CDC25C: variants seen among roughly 807,000 people sequenced by gnomAD.
CDC25C encodes M-phase inducer phosphatase 3.
In CDC25C, 48 loss-of-function variants were observed where a neutral mutation model predicts 52.5. The observed-to-expected ratio is 0.91, with a 90% confidence interval of 0.72 to 1.16. CDC25C has a LOEUF of 1.16. CDC25C is among the 50% of genes most tolerant of loss of function. CDC25C has a pLI of 0.00. For missense variants in CDC25C, 510 were observed against 566.1 expected (o/e 0.90, Z 1.01); for synonymous variants, 187 against 206.5 (o/e 0.91, Z 0.81).
intron 7 of CDC25C, among the ~76,000 whole-genome samples, chr5:138,305,187 G>A (rs137909362): frequency 1.3e-5 from 2 of 152,174 alleles, no homozygotes; most frequent in East Asian, 1.9e-4. Context: ...CAGCTTGTCC[G>A]GGACTTTCCC....
At chr5:138,304,258 C>T (rs1757835851) in intron 7 of CDC25C, among the ~76,000 whole-genome samples, 1 of 149,274 alleles carries the variant, frequency 6.7e-6, no homozygotes, top group East Asian at 2.0e-4. Flanking sequence ...AGCCTCAAAC[C>T]CCTGGGCTCA....
intron 6 of CDC25C, among the ~76,000 whole-genome samples, chr5:138,320,611 G>A (rs1580793854): frequency 6.6e-6 from 1 of 152,092 alleles, no homozygotes; most frequent in East Asian, 1.9e-4. Flanking sequence ...CTTGAACCCA[G>A]GAGTTTGAGA....
chr5:138,317,013 C>T (rs1010433540), intron 7 of CDC25C, among the ~76,000 whole-genome samples: 26 of 152,160 alleles, frequency 1.7e-4, no homozygotes, highest in Admixed American at 5.2e-4. Flanking sequence ...CTAAAGATCC[C>T]GCAACAAAGG....
At chr5:138,320,656 C>T (rs146525411) in intron 6 of CDC25C, among the ~76,000 whole-genome samples, 5 of 151,772 alleles carry the variant, frequency 3.3e-5, no homozygotes, top group African/African-American at 1.2e-4. Context: ...CCTGATTCTA[C>T]AAAATATACA....
In CDC25C at chr5:138,325,906, T is replaced by TA; in HGVS notation, c.370-3dup. The TA allele has an allele frequency of 6.2e-7, 1 of 1,613,888 alleles. No homozygotes were observed. The highest frequency in any genetic ancestry group is 8.5e-7 in the Non-Finnish European group (1 of 1,179,820). On this transcript the variant is annotated splice_region_variant and splice_polypyrimidine_tract_variant and intron_variant, in intron 5 of 13. Coordinates refer to ENST00000323760, the MANE Select transcript of CDC25C (RefSeq NM_001790.5). ...CGGAGTGCTACAAAGAAGCTGTGCC[T>TA]AAAAAAGAGAGTTTGCTGAGAACGT... is the stretch of plus-strand genomic sequence containing the variant.
intron 7 of CDC25C, among the ~76,000 whole-genome samples, chr5:138,298,025 G>T (rs1757342405): frequency 1.3e-5 from 2 of 151,532 alleles, no homozygotes; most frequent in South Asian, 2.1e-4. Context: ...TTGAGACAGG[G>T]TCTCACTCTC....
chr5:138,317,838 C>T (rs1759021162), intron 7 of CDC25C, among the ~76,000 whole-genome samples: 1 of 152,106 alleles, frequency 6.6e-6, no homozygotes, highest in African/African-American at 2.4e-5. Flanking sequence ...AAACAAAAGA[C>T]TGTATTATAA....
At chr5:138,286,194 C>T (rs1011840916) in intron 12 of CDC25C, 61 bp from the exon 13 acceptor site, 8 of 1,273,266 alleles carry the variant, frequency 6.3e-6, no homozygotes, top group East Asian at 2.3e-5. Flanking sequence ...TCCCAGGGGC[C>T]ATTCACTGGG....
chr5:138,293,935 C>T (rs1475739060), intron 7 of CDC25C, among the ~76,000 whole-genome samples: 2 of 152,078 alleles, frequency 1.3e-5, no homozygotes, highest in Non-Finnish European at 2.9e-5. Flanking sequence ...GCATGAGCCA[C>T]CACGCCCAGT....
At chr5:138,308,113 T>G (rs56252010) in intron 7 of CDC25C, among the ~76,000 whole-genome samples, 20,850 of 152,170 alleles carry the variant, frequency 0.14, 1,712 homozygotes, top group South Asian at 0.23. Flanking sequence ...TACTTCCTAC[T>G]GTGCGGCCCG....
rs202006787 is a variant in CDC25C at position 138,329,618 on chromosome 5, G to A, written c.224C>T (p.Ser75Leu). 2.0e-5 allele frequency: 32 copies of A among 1,612,492 alleles called. No homozygotes were observed. The highest frequency in any genetic ancestry group is 1.6e-4 in the Middle Eastern group (1 of 6,076). The change falls in exon 3 of 14, where the codon TCG becomes TTG. Residue 75 changes from serine (S) to leucine (L), a missense_variant. Ser to Leu is a moderately radical substitution (Grantham distance 145, BLOSUM62 -2). Transcript: ENST00000323760. ...AGTTATCTCCCCACTGCTAAGATTC[G>A]AAAGATCGAGGCAACGTTTTGGGGT... ...GGTPKRCLDL[S>L]NLSSGEITAT...
At chr5:138,334,891 C>A (rs1430907502), upstream of CDC25C, among the ~76,000 whole-genome samples, 1 of 152,148 alleles carries the variant, frequency 6.6e-6, no homozygotes, top group Non-Finnish European at 1.5e-5. Context: ...TTATCCTTCC[C>A]AGAAGAAAGA....
intron 6 of CDC25C, among the ~76,000 whole-genome samples, chr5:138,320,024 G>A (rs903175389): frequency 6.6e-6 from 1 of 152,092 alleles, no homozygotes. Flanking sequence ...TTAAAAGCAG[G>A]GGCCGGGCGC....
At chr5:138,308,564 C>T (rs560412647) in intron 7 of CDC25C, among the ~76,000 whole-genome samples, 15 of 152,082 alleles carry the variant, frequency 9.9e-5, no homozygotes, top group African/African-American at 1.4e-4. Context: ...TTCCCCATGC[C>T]GACTATTCCC....
chr5:138,294,391 C>T (rs186955874), intron 7 of CDC25C, among the ~76,000 whole-genome samples: 3 of 151,232 alleles, frequency 2.0e-5, no homozygotes, highest in East Asian at 3.9e-4. Context: ...GGGGTTTCAC[C>T]GTGTTGGTCA....
In CDC25C at chr5:138,326,637, G is replaced by A. The variant is rs796275761; in HGVS notation, c.336-583C>T. On this transcript the variant is annotated intron_variant, in intron 4 of 13. Coordinates refer to ENST00000323760, the MANE Select transcript of CDC25C (RefSeq NM_001790.5). ...ATTACAGATGTGAGCCACCGCACCC[G>A]GCCGGGGCTAACTTTTTAAAAAAAT... 3.9e-5 allele frequency among the ~76,000 whole-genome samples: 6 copies of A among 152,030 alleles called. No homozygotes were observed. The East Asian group carries it at 5.9e-4, about 15-fold the overall frequency.
intron 7 of CDC25C, among the ~76,000 whole-genome samples, chr5:138,307,449 C>T (rs560471019): frequency 4.0e-5 from 5 of 123,920 alleles, no homozygotes; most frequent in South Asian, 2.5e-4. Context: ...GCCCTGATCA[C>T]GCCACTACAC....
chr5:138,301,423 C>T (rs1276537184), intron 7 of CDC25C, among the ~76,000 whole-genome samples: 1 of 152,108 alleles, frequency 6.6e-6, no homozygotes, highest in African/African-American at 2.4e-5. Flanking sequence ...TGAGTAGTTC[C>T]TATCTGTAAA....
chr5:138,296,252 T>G (rs1281679582), intron 7 of CDC25C, among the ~76,000 whole-genome samples: 1 of 152,136 alleles, frequency 6.6e-6, no homozygotes, highest in Non-Finnish European at 1.5e-5. Flanking sequence ...TTATTTATTT[T>G]TGAGATGGAG....
Sources: allele counts gnomAD v4.1 joint callset (sites outside exome capture counted in the v4.1 genomes callset), GRCh38; gene constraint gnomAD v4.1.1; transcripts MANE v1.5; gene names NCBI Gene and HGNC (gene_info 2026-07-23, HGNC 2026-07-21).